CNTNAP2: variants seen among roughly 807,000 people sequenced by gnomAD.
CNTNAP2 encodes contactin associated protein 2, also known as contactin-associated protein-like 2.
CNTNAP2 carries 98 observed loss-of-function variants against 155.2 expected under a neutral mutation model. The ratio of observed to expected loss-of-function variants is 0.63; its 90% CI spans 0.54 to 0.75. The LOEUF is 0.75. Ranked by LOEUF, CNTNAP2 falls within the 30% of genes least tolerant of loss-of-function variation. The pLI is 0.00. For missense variants in CNTNAP2, 1,727 were observed against 1,688.1 expected, an observed-to-expected ratio of 1.02 and a Z score of -0.40; for synonymous variants, 651 against 631.2, an observed-to-expected ratio of 1.03 and a Z score of -0.47.
At chr7:147,105,939 AAAT>A in intron 4 of CNTNAP2, among the ~76,000 whole-genome samples, 1 of 151,990 alleles carries the variant, frequency 6.6e-6, no homozygotes, top group South Asian at 2.1e-4. Context: ...TGTCTGAAAA[AAAT>A]AAGCCATCTT....
At chr7:146,305,064 G>A (rs1800684758) in intron 1 of CNTNAP2, among the ~76,000 whole-genome samples, 1 of 152,008 alleles carries the variant, frequency 6.6e-6, no homozygotes, top group African/African-American at 2.4e-5. Context: ...GATCAAATAG[G>A]CTACTGAAGC....
chr7:147,189,683 A>G (rs1310158845), intron 8 of CNTNAP2, among the ~76,000 whole-genome samples: 1 of 152,218 alleles, frequency 6.6e-6, no homozygotes, highest in Admixed American at 6.5e-5. Flanking sequence ...AAAAAGAAAC[A>G]AAATTTTTAA....
At chr7:146,887,475 C>T (rs1159926233) in intron 3 of CNTNAP2, among the ~76,000 whole-genome samples, 1 of 152,062 alleles carries the variant, frequency 6.6e-6, no homozygotes, top group East Asian at 1.9e-4. Flanking sequence ...TTTTATTTAT[C>T]TCATTTAATT....
At chr7:146,244,884 G>A (rs1799620264) in intron 1 of CNTNAP2, among the ~76,000 whole-genome samples, 1 of 152,250 alleles carries the variant, frequency 6.6e-6, no homozygotes, top group South Asian at 2.1e-4. Flanking sequence ...GGGGCATGTT[G>A]AGTAAAGCTA....
chr7:146,187,097 C>T (rs774350103), intron 1 of CNTNAP2, among the ~76,000 whole-genome samples: 1 of 152,138 alleles, frequency 6.6e-6, no homozygotes, highest in Non-Finnish European at 1.5e-5. Context: ...TTTTTAAAGT[C>T]TAGTCAGGTC....
intron 1 of CNTNAP2, among the ~76,000 whole-genome samples, chr7:146,672,468 G>T (rs926340641): frequency 2.6e-5 from 4 of 152,166 alleles, no homozygotes; most frequent in Admixed American, 1.3e-4. Flanking sequence ...CTCTGCATCT[G>T]CATGCATTCT....
In CNTNAP2 at chr7:146,301,009, T is replaced by C. The variant is rs1222958514; in HGVS notation, c.97+184036T>C. Reference sequence around the variant, plus strand: ...AGATGATTAGCTTTCACCTGAATTTTACAAACATGCTATTTAAGGCAACAA... The same window carrying C: ...AGATGATTAGCTTTCACCTGAATTTCACAAACATGCTATTTAAGGCAACAA... On this transcript the variant is annotated intron_variant, in intron 1 of 23. Transcript: ENST00000361727. Among the ~76,000 whole-genome samples the C allele has an allele frequency of 2.0e-5, 3 of 152,184 alleles. 1 individual carries two copies. Among genetic ancestry groups the C allele is most frequent in the Non-Finnish European group, 4.4e-5 (3 of 68,026 alleles).
At chr7:146,457,755 G>C (rs1036048405) in intron 1 of CNTNAP2, among the ~76,000 whole-genome samples, 3 of 151,056 alleles carry the variant, frequency 2.0e-5, no homozygotes, top group Non-Finnish European at 4.4e-5. Context: ...CACCCACCTG[G>C]GTCTCCCAAA....
At chr7:146,508,086 G>A (rs59933766) in intron 1 of CNTNAP2, among the ~76,000 whole-genome samples, 2,963 of 152,254 alleles carry the variant, frequency 0.019, 92 homozygotes, top group African/African-American at 0.066. Flanking sequence ...TCCAAGTTCC[G>A]TCAGGCTTTC....
intron 1 of CNTNAP2, among the ~76,000 whole-genome samples, chr7:146,742,891 T>A (rs576222234): frequency 2.6e-4 from 40 of 152,300 alleles, no homozygotes; most frequent in African/African-American, 9.6e-4. Flanking sequence ...TTTAAAGCTA[T>A]TTCTCATATT....
At chr7:146,328,515 CTGTGTGTGTGTG>C (rs36098013) in intron 1 of CNTNAP2, among the ~76,000 whole-genome samples, 2 of 147,110 alleles carry the variant, frequency 1.4e-5, no homozygotes, top group African/African-American at 2.5e-5. Flanking sequence ...ACTTAGCGAC[CTGTGTGTGTGTG>C]TGTGTGTGTG....
At chr7:147,300,005 G>C in intron 8 of CNTNAP2, 136 bp from the exon 9 acceptor site, 1 of 895,838 alleles carries the variant, frequency 1.1e-6, no homozygotes, top group Non-Finnish European at 1.7e-6. Context: ...TGAGACGTCA[G>C]TTTGAATTGT....
intron 14 of CNTNAP2, among the ~76,000 whole-genome samples, chr7:147,947,277 G>T (rs1800837245): frequency 6.6e-6 from 1 of 151,930 alleles, no homozygotes. Context: ...TAGGGAGGAG[G>T]TCTTAAGACA....
intron 13 of CNTNAP2, among the ~76,000 whole-genome samples, chr7:147,730,347 A>G (rs1796717336): frequency 1.3e-5 from 2 of 152,130 alleles, no homozygotes; most frequent in South Asian, 4.2e-4. Flanking sequence ...AGCCAACCCT[A>G]TTGGCGCCAT....
chr7:147,982,312 A>G (rs1801545305), intron 15 of CNTNAP2, among the ~76,000 whole-genome samples: 1 of 151,844 alleles, frequency 6.6e-6, no homozygotes, highest in Non-Finnish European at 1.5e-5. Flanking sequence ...GGTTTAAAAA[A>G]AAATCAAATG....
intron 21 of CNTNAP2, among the ~76,000 whole-genome samples, chr7:148,328,976 GAAAAAAAAAAA>G (rs71188969): frequency 8.5e-4 from 59 of 69,260 alleles, no homozygotes; most frequent in South Asian, 5.6e-3. Flanking sequence ...ACTCTGTCTG[GAAAAAAAAAAA>G]AAAAAAAAAA....
chr7:147,257,935 A>G (rs1008544457), intron 8 of CNTNAP2, among the ~76,000 whole-genome samples: 10 of 152,224 alleles, frequency 6.6e-5, no homozygotes, highest in African/African-American at 9.6e-5. Context: ...TTAAGTACAT[A>G]ATGAGTGCAA....
At chr7:146,819,156 T>G (rs1407887620) in intron 2 of CNTNAP2, among the ~76,000 whole-genome samples, 2 of 152,176 alleles carry the variant, frequency 1.3e-5, no homozygotes, top group African/African-American at 2.4e-5. Flanking sequence ...CAACTTTCCC[T>G]TACTGATGAA....
At chr7:147,635,265 T>A (rs1324719841) in intron 12 of CNTNAP2, among the ~76,000 whole-genome samples, 1 of 150,890 alleles carries the variant, frequency 6.6e-6, no homozygotes, top group Non-Finnish European at 1.5e-5. Flanking sequence ...GAATATAAGC[T>A]CCAAAACTTT....
Sources: gnomAD v4.1 joint callset for allele counts (sites outside exome capture counted in the v4.1 genomes callset) on GRCh38, gnomAD v4.1.1 for gene constraint, MANE v1.5 for transcripts, NCBI Gene and HGNC (gene_info 2026-07-23, HGNC 2026-07-21) for gene names.